SORCS2: variants seen among roughly 807,000 people sequenced by gnomAD.
SORCS2 encodes the protein VPS10 domain-containing receptor SorCS2.
A neutral mutation model predicts 141.6 loss-of-function variants in SORCS2; 100 were observed. The observed-to-expected ratio is 0.71, with a 90% CI of 0.60 to 0.83. The LOEUF (loss-of-function observed/expected upper bound fraction) is 0.83, where lower values mean the gene tolerates loss of function less well. SORCS2 is among the 40% of genes least tolerant of loss of function. SORCS2 has a pLI of 0.00. For missense variants in SORCS2, 1,646 were observed against 1,560.2 expected, an observed-to-expected ratio of 1.05 and a Z score of -0.93; for synonymous variants, 789 against 676.9, an observed-to-expected ratio of 1.17 and a Z score of -2.57.
chr4:7,320,842 T>C (rs1438315458), intron 1 of SORCS2, among the ~76,000 whole-genome samples: 1 of 152,184 alleles, frequency 6.6e-6, no homozygotes, highest in Non-Finnish European at 1.5e-5. Flanking sequence ...AAGAAGGTGA[T>C]GGGACCCACC....
At chr4:7,425,124 G>T (rs569410583) in intron 2 of SORCS2, among the ~76,000 whole-genome samples, 1 of 152,174 alleles carries the variant, frequency 6.6e-6, no homozygotes, top group Non-Finnish European at 1.5e-5. Context: ...AGCCTCTCAC[G>T]ACCCAGAGCC....
At chr4:7,477,948 A>G (rs1031658272) in intron 2 of SORCS2, among the ~76,000 whole-genome samples, 1 of 152,266 alleles carries the variant, frequency 6.6e-6, no homozygotes, top group Non-Finnish European at 1.5e-5. Flanking sequence ...GCTATCGCGC[A>G]CACCTGCCCT....
At chr4:7,537,250 T>C (rs888021242) in intron 3 of SORCS2, among the ~76,000 whole-genome samples, 3 of 152,196 alleles carry the variant, frequency 2.0e-5, no homozygotes, top group Admixed American at 1.3e-4. Flanking sequence ...AGCAGCTGAA[T>C]TGAAGGCTCT....
chr4:7,299,354 C>T (rs576786571), intron 1 of SORCS2, among the ~76,000 whole-genome samples: 13 of 152,340 alleles, frequency 8.5e-5, no homozygotes, highest in Non-Finnish European at 1.5e-4. Flanking sequence ...GATCCCAATC[C>T]GCTCTCCACC....
intron 1 of SORCS2, among the ~76,000 whole-genome samples, chr4:7,342,631 C>G (rs1447405306): frequency 6.6e-6 from 1 of 152,090 alleles, no homozygotes; most frequent in Admixed American, 6.5e-5. Flanking sequence ...CTTGCACCCC[C>G]TAGCTAAACA....
chr4:7,317,994 C>T (rs181897589), intron 1 of SORCS2, among the ~76,000 whole-genome samples: 41 of 152,342 alleles, frequency 2.7e-4, no homozygotes, highest in East Asian at 2.3e-3. Context: ...GCAGGAACCA[C>T]GAGCACGTGT....
At chr4:7,325,421 A>G (rs3913443) in intron 1 of SORCS2, among the ~76,000 whole-genome samples, 30,528 of 152,076 alleles carry the variant, frequency 0.2, 3,602 homozygotes, top group African/African-American at 0.3. Context: ...GAATGAATGA[A>G]GCAGGCAAGA....
intron 1 of SORCS2, among the ~76,000 whole-genome samples, chr4:7,392,613 G>T (rs543959033): frequency 5.4e-4 from 82 of 152,072 alleles, no homozygotes; most frequent in African/African-American, 1.9e-3. Context: ...AGAAGCTGAG[G>T]TCTCCGCCTG....
In SORCS2 at chr4:7,210,047, G is replaced by A. The variant is rs759285291; in HGVS notation, c.480+16921G>A. Among the ~76,000 whole-genome samples, 10 of 152,318 alleles carry A rather than the reference G, an allele frequency of 6.6e-5. No individual in the cohort carries two copies. In the South Asian group the frequency reaches 1.0e-3, roughly 16 times the overall value. ...GGGCCCCAGGGCAAGAGCCCATGTC[G>A]GGGAGGCTATGAAGGATGCATGTGT... On this transcript the variant is annotated intron_variant, in intron 1 of 26. Coordinates refer to ENST00000507866, the MANE Select transcript of SORCS2 (RefSeq NM_020777.3).
At chr4:7,622,850 A>G (rs1333779887) in intron 3 of SORCS2, among the ~76,000 whole-genome samples, 1 of 152,012 alleles carries the variant, frequency 6.6e-6, no homozygotes. Flanking sequence ...TGTGGTAGGA[A>G]GGAGGAGAAT....
chr4:7,533,916 G>A (rs11930872), intron 3 of SORCS2, among the ~76,000 whole-genome samples: 27,760 of 152,200 alleles, frequency 0.18, 2,663 homozygotes, highest in Middle Eastern at 0.23. Context: ...CCTTCTGTGC[G>A]GGCCAAAGGC....
chr4:7,290,974 C>T (rs959462097), intron 1 of SORCS2, among the ~76,000 whole-genome samples: 16 of 152,136 alleles, frequency 1.1e-4, no homozygotes, highest in African/African-American at 3.9e-4. Context: ...CCTGATCACT[C>T]CTAGAAGGGA....
intron 2 of SORCS2, among the ~76,000 whole-genome samples, chr4:7,505,193 A>T (rs1732201629): frequency 6.6e-6 from 1 of 152,174 alleles, no homozygotes; most frequent in African/African-American, 2.4e-5. Context: ...TGAATTTTAA[A>T]ATAAGCTTGG....
At chr4:7,680,381 A>G (rs1723447556) in intron 9 of SORCS2, among the ~76,000 whole-genome samples, 1 of 152,230 alleles carries the variant, frequency 6.6e-6, no homozygotes, top group Admixed American at 6.5e-5. Context: ...GACCCCTGTG[A>G]CATGGAGTCC....
intron 2 of SORCS2, among the ~76,000 whole-genome samples, chr4:7,425,561 T>C (rs1726373203): frequency 6.6e-6 from 1 of 152,188 alleles, no homozygotes; most frequent in Non-Finnish European, 1.5e-5. Context: ...GCGGCTCTGC[T>C]CCTTTCCTTG....
At chr4:7,397,763 A>G (rs1724311015) in intron 2 of SORCS2, among the ~76,000 whole-genome samples, 1 of 152,016 alleles carries the variant, frequency 6.6e-6, no homozygotes, top group Non-Finnish European at 1.5e-5. Flanking sequence ...TGGAGGCAAC[A>G]CTCCTGGACA....
intron 3 of SORCS2, among the ~76,000 whole-genome samples, chr4:7,622,236 C>T (rs988453094): frequency 2.6e-5 from 4 of 152,166 alleles, no homozygotes; most frequent in African/African-American, 4.8e-5. Context: ...GGGTGACCCA[C>T]TTCAAAAGGG....
intron 2 of SORCS2, among the ~76,000 whole-genome samples, chr4:7,528,423 TTTTG>T (rs984328258): frequency 8.6e-5 from 13 of 151,804 alleles, no homozygotes; most frequent in African/African-American, 2.4e-4. Context: ...TGTTGTTGTT[TTTTG>T]TTTGTTTGTT....
chr4:7,553,639 C>T (rs191106629), intron 3 of SORCS2, among the ~76,000 whole-genome samples: 42 of 152,286 alleles, frequency 2.8e-4, no homozygotes, highest in Non-Finnish European at 2.1e-4. Context: ...TGGAGGTGTA[C>T]GAGCCCAGGT....
Sources: gnomAD v4.1 joint callset for allele counts (sites outside exome capture counted in the v4.1 genomes callset) on GRCh38, gnomAD v4.1.1 for gene constraint, MANE v1.5 for transcripts, NCBI Gene and HGNC (gene_info 2026-07-23, HGNC 2026-07-21) for gene names.